The following CACNA1B variants were observed in gnomAD, a reference collection of about 807,000 sequenced individuals.
The protein encoded by CACNA1B is calcium voltage-gated channel subunit alpha1 B.
A neutral mutation model predicts 247.2 loss-of-function variants in CACNA1B; 70 were observed. The observed-to-expected ratio is 0.28, with a 90% CI of 0.23 to 0.35. The LOEUF is 0.35. Ranked by LOEUF, CACNA1B falls within the 10% of genes least tolerant of loss-of-function variation. The pLI is 1.00. For synonymous variants in CACNA1B, 1,231 were observed against 1,294.4 expected (o/e 0.95, Z 1.05); for missense variants, 2,367 against 3,197.4 (o/e 0.74, Z 6.26).
Position 138,120,656 on chromosome 9 carries a change from G to A in CACNA1B, c.6264G>A (p.Gly2088=). ...CACCAAGCAGTGCTGTGGGGCCGGG[G>A]CTGCCCCCGGGAGAGGGGCCTACAG... The part of the protein sequence containing the change: ...DGAPSSAVGP[G]LPPGEGPTGC... The change falls in exon 46 of 47, where the codon GGG becomes GGA. Residue 2088 remains glycine (G), a synonymous_variant. Transcript: ENST00000371372. 1 of 1,505,776 alleles carries A rather than the reference G, an allele frequency of 6.6e-7. No individual in the cohort carries two copies. Among genetic ancestry groups the A allele is most frequent in the Non-Finnish European group, 8.8e-7 (1 of 1,133,180 alleles). The allele number at this position is 1,505,776 out of a possible 1,614,324, so 93.3% of individuals were successfully genotyped here. A position where few individuals can be genotyped will look rare whatever the true frequency, so the allele number is the denominator to read the frequency against.
In CACNA1B at chr9:138,009,142, G is replaced by T. The variant is rs79956859; in HGVS notation, c.2093-868G>T. On this transcript the variant is annotated intron_variant, in intron 16 of 46. Coordinates refer to ENST00000371372, the MANE Select transcript of CACNA1B (RefSeq NM_000718.4). Reference sequence around the variant, plus strand: ...AAACACCGTGATGGGACAAGGACCTGGTCCCGCGAGCTTTGAGAAGGAGGC... The same window carrying T: ...AAACACCGTGATGGGACAAGGACCTTGTCCCGCGAGCTTTGAGAAGGAGGC... Among the ~76,000 whole-genome samples, 51 of 152,364 alleles carry T rather than the reference G, an allele frequency of 3.3e-4. 2 individuals are homozygous for T. The East Asian group carries it at 9.5e-3, about 28-fold the overall frequency.
chr9:137,879,159 G>A lies in CACNA1B; in HGVS notation c.390G>A (p.Leu130=), dbSNP rs1300062371. The A allele has an allele frequency of 8.7e-6, 14 of 1,603,200 alleles. No homozygotes were observed. Among genetic ancestry groups the A allele is most frequent in the African/African-American group, 1.3e-5 (1 of 74,830 alleles). The part of the protein sequence containing the change: ...DGDKTPMSER[L]DDTEPYFIGI... The stretch of plus-strand genomic sequence containing the variant: ...ACAAAACGCCCATGTCCGAGCGGCT[G>A]GTGAGTGCCCGGCTGGGCCTGAGGG... The change falls in exon 2 of 47, where the codon CTG becomes CTA. Residue 130 remains leucine (L), a splice_region_variant and synonymous_variant. Transcript: ENST00000371372.
chr9:138,060,837 G>T (rs1959694250), intron 31 of CACNA1B, among the ~76,000 whole-genome samples: 1 of 152,182 alleles, frequency 6.6e-6, no homozygotes, highest in Non-Finnish European at 1.5e-5. Flanking sequence ...TGCTGTGCTG[G>T]TCCAAGCAGA....
chr9:137,904,352 C>CTTTTT (rs11351694), intron 3 of CACNA1B, among the ~76,000 whole-genome samples: 15 of 80,422 alleles, frequency 1.9e-4, no homozygotes, highest in East Asian at 4.1e-4. Context: ...CTCTCTCTCT[C>CTTTTT]TTTTTTTTTT....
intron 12 of CACNA1B, among the ~76,000 whole-genome samples, chr9:137,982,158 C>T (rs921052083): frequency 1.5e-4 from 23 of 152,290 alleles, no homozygotes; most frequent in Admixed American, 1.4e-3. Flanking sequence ...ATCAGGGTGG[C>T]TTAACTGGGT....
At position 138,011,692 on chromosome 9, in the gene CACNA1B, G is replaced by A. The variant is rs756496126; in HGVS notation, c.2161-1437G>A. ...GCCGGATCTGCGAGGAGGGACCTGGGTGTGGGTGTTTCACGCTGGGTCTGG... is the reference window on the plus strand; with the variant it reads ...GCCGGATCTGCGAGGAGGGACCTGGATGTGGGTGTTTCACGCTGGGTCTGG... On this transcript the variant is annotated intron_variant, in intron 17 of 46. Coordinates refer to ENST00000371372, the MANE Select transcript of CACNA1B (RefSeq NM_000718.4). This position sits in a 1 kb window ranked among gnomAD's most constrained non-coding sequence, Gnocchi z 4.2. Among the ~76,000 whole-genome samples, 1 of 152,204 alleles carries A rather than the reference G, an allele frequency of 6.6e-6. No individual in the cohort carries two copies. Among genetic ancestry groups the A allele is most frequent in the Non-Finnish European group, 1.5e-5 (1 of 68,040 alleles).
intron 36 of CACNA1B, among the ~76,000 whole-genome samples, chr9:138,087,321 T>G (rs112090717): frequency 1.4e-5 from 2 of 140,846 alleles, no homozygotes; most frequent in Non-Finnish European, 1.5e-5. Context: ...GGAGGCAGAG[T>G]TTGCAGTGAG....
chr9:137,896,139 T>C (rs2133251598), intron 3 of CACNA1B, among the ~76,000 whole-genome samples: 1 of 149,248 alleles, frequency 6.7e-6, no homozygotes, highest in South Asian at 2.1e-4. Flanking sequence ...CTCGGGAGGC[T>C]GAGGCAGGAG....
chr9:137,930,516 G>A (rs938690642), intron 6 of CACNA1B, among the ~76,000 whole-genome samples: 5 of 152,116 alleles, frequency 3.3e-5, no homozygotes, highest in Non-Finnish European at 7.4e-5. Flanking sequence ...CTCGGAATAT[G>A]GTCTATTTTG....
At position 137,954,774 on chromosome 9, in the gene CACNA1B, C is replaced by T. The variant is rs1309490172; in HGVS notation, c.1071-924C>T. On this transcript the variant is annotated intron_variant, in intron 7 of 46. Transcript: ENST00000371372. The surrounding 1 kb of genome is among the most constrained non-coding windows in gnomAD (Gnocchi z 4.1). ...CTGGCCCTGCGCCCAGGGTCAGTCA[C>T]GGTCAGAGCCGGGGATTGTTGCACC... Among the ~76,000 whole-genome samples the T allele has an allele frequency of 6.6e-6, 1 of 151,992 alleles. No homozygotes were observed.
intron 10 of CACNA1B, among the ~76,000 whole-genome samples, chr9:137,965,999 A>T (rs987714676): frequency 5.9e-5 from 9 of 152,208 alleles, no homozygotes; most frequent in African/African-American, 1.9e-4. Context: ...TTCCTAAATT[A>T]TGCTTTATTT....
chr9:137,926,244 A>G (rs533202139), intron 6 of CACNA1B, among the ~76,000 whole-genome samples: 297 of 148,112 alleles, frequency 2.0e-3, no homozygotes, highest in Non-Finnish European at 2.9e-3. Flanking sequence ...TAATTTTTGT[A>G]TTTTTAGTAG....
chr9:138,058,118 G>A lies in CACNA1B; in HGVS notation c.4176G>A (p.Leu1392=), dbSNP rs376408406. ...QGPSPGYRME[L]SIFYVVYFVV... is the part of the protein sequence containing the mutation. ...CAAGCCCTGGGTACCGCATGGAGCT[G>A]TCCATCTTCTACGTGGTCTACTTTG... Residue 1392 remains leucine, a synonymous_variant, in exon 28 of 47, where the codon CTG becomes CTA. Transcript: ENST00000371372. The surrounding 1 kb of genome is among the most constrained non-coding windows in gnomAD (Gnocchi z 4.7). The A allele has an allele frequency of 2.2e-5, 36 of 1,613,822 alleles. No homozygotes were observed. The highest frequency in any genetic ancestry group is 3.0e-5 in the Non-Finnish European group (35 of 1,179,786).
At chr9:138,104,555 A>T (rs1488091814) in intron 38 of CACNA1B, among the ~76,000 whole-genome samples, 1 of 152,212 alleles carries the variant, frequency 6.6e-6, no homozygotes, top group Admixed American at 6.5e-5. Context: ...CTTTGCCAGC[A>T]TTCGGGGCCA....
chr9:138,074,202 C>A, intron 34 of CACNA1B, 136 bp downstream of exon 34: 1 of 715,966 alleles, frequency 1.4e-6, no homozygotes, highest in Non-Finnish European at 2.5e-6. Flanking sequence ...CCAGATCCTG[C>A]TTTGAGCACT....
In CACNA1B at chr9:138,073,984, G is replaced by A. The variant is rs374357475; in HGVS notation, c.4792-17G>A. On this transcript the variant is annotated splice_polypyrimidine_tract_variant and intron_variant, in intron 33 of 46. Coordinates refer to ENST00000371372, the MANE Select transcript of CACNA1B (RefSeq NM_000718.4). This position sits in a 1 kb window ranked among gnomAD's most constrained non-coding sequence, Gnocchi z 6.4. ...GGCTGGGAGGTGCCTGTAGCTGACC[G>A]GCCCCTGTCTCCGCAGGCCCTGCCC... 11 of 1,608,156 alleles carry A rather than the reference G, an allele frequency of 6.8e-6. No homozygotes were observed. Among genetic ancestry groups the A allele is most frequent in the East Asian group, 6.7e-5 (3 of 44,882 alleles).
intron 24 of CACNA1B, among the ~76,000 whole-genome samples, chr9:138,049,832 C>T (rs1470754644): frequency 6.6e-6 from 1 of 152,220 alleles, no homozygotes; most frequent in African/African-American, 2.4e-5. Flanking sequence ...GCACTTGGCC[C>T]TGCTGTGGCT....
intron 3 of CACNA1B, among the ~76,000 whole-genome samples, chr9:137,904,533 T>TA (rs1160037741): frequency 6.6e-6 from 1 of 151,708 alleles, no homozygotes; most frequent in Non-Finnish European, 1.5e-5. Flanking sequence ...CCTGGCTAAT[T>TA]AAAAAAATTT....
In CACNA1B at chr9:137,882,636, C is replaced by T. The variant is rs776803711; in HGVS notation, c.391-108C>T. ...CAAGGTGAGGAGGGTCAGACCCTCACGATAGCTGTGGCCTGCACATGGTGG... is the reference window on the plus strand; with the variant it reads ...CAAGGTGAGGAGGGTCAGACCCTCATGATAGCTGTGGCCTGCACATGGTGG... On this transcript the variant is annotated intron_variant, in intron 2 of 46. Transcript: ENST00000371372. This position sits in a 1 kb window ranked among gnomAD's most constrained non-coding sequence, Gnocchi z 4.0. 1.2e-5 allele frequency: 16 copies of T among 1,308,366 alleles called. No individual in the cohort carries two copies. The highest frequency in any genetic ancestry group is 1.2e-4 in the African/African-American group (8 of 68,886). 81.0% of individuals were successfully genotyped at this position (1,308,366 alleles called of 1,614,324 possible). A position where few individuals can be genotyped will look rare whatever the true frequency, so the allele number is the denominator to read the frequency against.
Sources: allele counts gnomAD v4.1 joint callset (sites outside exome capture counted in the v4.1 genomes callset), GRCh38; gene constraint gnomAD v4.1.1; non-coding constraint Gnocchi (gnomAD v3.1); transcripts MANE v1.5; gene names NCBI Gene and HGNC (gene_info 2026-07-23, HGNC 2026-07-21).